ENPEP: variants seen among roughly 807,000 people sequenced by gnomAD.
ENPEP encodes AP-A.
In ENPEP, 103 loss-of-function variants were observed where a neutral mutation model predicts 114.5. That is an observed-to-expected ratio of 0.90 (90% confidence interval 0.77 to 1.06). The LOEUF (loss-of-function observed/expected upper bound fraction) is 1.06, where lower values mean the gene tolerates loss of function less well. ENPEP is among the 50% of genes least tolerant of loss of function. The probability of loss-of-function intolerance (pLI) is 0.00; values close to 1 mark genes in which losing one functional copy is unlikely to be tolerated. For missense variants in ENPEP, 1,196 were observed against 1,161.3 expected (o/e 1.03, Z -0.43); for synonymous variants, 420 against 422.0 (o/e 1.00, Z 0.06).
intron 11 of ENPEP, among the ~76,000 whole-genome samples, chr4:110,535,813 A>T (rs2110379606): frequency 6.6e-6 from 1 of 152,228 alleles, no homozygotes; most frequent in South Asian, 2.1e-4. Context: ...ATAGAGAAAC[A>T]CCGTCTCTAC....
chr4:110,500,984 G>A (rs1168299242), intron 3 of ENPEP, among the ~76,000 whole-genome samples: 1 of 152,062 alleles, frequency 6.6e-6, no homozygotes, highest in African/African-American at 2.4e-5. Context: ...GCACAAGGGA[G>A]GATGCTTTCA....
At chr4:110,515,904 G>A (rs1725748777) in intron 8 of ENPEP, 1 of 437,128 alleles carries the variant, frequency 2.3e-6, no homozygotes, top group South Asian at 1.7e-5. Context: ...GAGAGGGAGA[G>A]AGAGAGAGCA....
intron 13 of ENPEP, 47 bp downstream of exon 13, chr4:110,543,117 CT>C (rs2110387461): frequency 6.6e-7 from 1 of 1,521,928 alleles, no homozygotes; most frequent in East Asian, 2.3e-5. Context: ...TGTGGGTTTT[CT>C]CATAAATCTT....
intron 2 of ENPEP, among the ~76,000 whole-genome samples, chr4:110,489,350 A>T (rs1165081039): frequency 6.6e-6 from 1 of 152,148 alleles, no homozygotes; most frequent in East Asian, 1.9e-4. Context: ...GTAAGTGGAA[A>T]TTGAACAACA....
chr4:110,480,316 A>G (rs531700046), intron 1 of ENPEP, among the ~76,000 whole-genome samples: 3 of 152,304 alleles, frequency 2.0e-5, no homozygotes, highest in South Asian at 4.1e-4. Flanking sequence ...AGAAAAGTGC[A>G]TCATGCTTTT....
At chr4:110,551,092 T>TAAAA (rs569706672) in intron 17 of ENPEP, among the ~76,000 whole-genome samples, 1 of 132,326 alleles carries the variant, frequency 7.6e-6, no homozygotes, top group Non-Finnish European at 1.6e-5. Context: ...CGTATCTATT[T>TAAAA]AAAAAAAAAA....
intron 11 of ENPEP, among the ~76,000 whole-genome samples, chr4:110,538,332 C>T (rs1181091951): frequency 6.6e-6 from 1 of 152,204 alleles, no homozygotes; most frequent in Non-Finnish European, 1.5e-5. Context: ...TCAACACTTG[C>T]TGCTTCACCT....
In ENPEP at chr4:110,476,264, A is replaced by C; in HGVS notation, c.-151A>C. 1.1e-6 allele frequency: 1 copy of C among 898,212 alleles called. No homozygotes were observed. The allele number at this position is 898,212 out of a possible 1,614,324, so 55.6% of individuals were successfully genotyped here. A position where few individuals can be genotyped will look rare whatever the true frequency, so the allele number is the denominator to read the frequency against. The stretch of plus-strand genomic sequence containing the variant: ...TGGGAACGTGAAAAGGGAGAGGAAA[A>C]GGCGCAAGAAGCCAGAGAGAGGGGT... On this transcript the variant is annotated 5_prime_UTR_variant, in exon 1 of 20. Transcript: ENST00000265162.
intron 2 of ENPEP, among the ~76,000 whole-genome samples, chr4:110,490,145 C>A (rs888584178): frequency 3.9e-5 from 6 of 152,128 alleles, no homozygotes; most frequent in Non-Finnish European, 8.8e-5. Context: ...TGCAGAGTTA[C>A]ACTTTACCTT....
chr4:110,539,555 T>C (rs1560567201), intron 11 of ENPEP, among the ~76,000 whole-genome samples: 1 of 152,118 alleles, frequency 6.6e-6, no homozygotes, highest in Non-Finnish European at 1.5e-5. Context: ...CAGTTGTTTT[T>C]TTTGCTTTCT....
At chr4:110,543,674 C>T (rs1726939024) in intron 13 of ENPEP, among the ~76,000 whole-genome samples, 1 of 151,702 alleles carries the variant, frequency 6.6e-6, no homozygotes. Flanking sequence ...CATAGTCTAA[C>T]ACCAGTAATT....
chr4:110,513,841 ATTGTT>A (rs1725667437), intron 7 of ENPEP, among the ~76,000 whole-genome samples: 1 of 152,248 alleles, frequency 6.6e-6, no homozygotes, highest in East Asian at 1.9e-4. Flanking sequence ...CACATTTCAA[ATTGTT>A]TTATTTGATT....
chr4:110,479,413 C>T (rs1455125291), intron 1 of ENPEP, among the ~76,000 whole-genome samples: 1 of 152,044 alleles, frequency 6.6e-6, no homozygotes, highest in African/African-American at 2.4e-5. Context: ...TGGACATTTT[C>T]TAATATTTAA....
In ENPEP at chr4:110,477,137, C is replaced by T. The variant is rs764670201; in HGVS notation, c.644+79C>T. 40 of 1,502,382 alleles carry T rather than the reference C, an allele frequency of 2.7e-5. No individual in the cohort carries two copies. In the East Asian group the frequency reaches 8.0e-4, roughly 30 times the overall value. The allele number at this position is 1,502,382 out of a possible 1,614,324, so 93.1% of individuals were successfully genotyped here. A position where few individuals can be genotyped will look rare whatever the true frequency, so the allele number is the denominator to read the frequency against. On this transcript the variant is annotated intron_variant, in intron 1 of 19. Coordinates refer to ENST00000265162, the MANE Select transcript of ENPEP (RefSeq NM_001977.4). ...TTCTTTTCCTTTCCTTTTCACTTTC[C>T]GCTTTTAATTATTTTGTTGGTCTGA...
intron 13 of ENPEP, among the ~76,000 whole-genome samples, chr4:110,547,729 G>T (rs1727121227): frequency 6.6e-6 from 1 of 151,926 alleles, no homozygotes; most frequent in South Asian, 2.1e-4. Flanking sequence ...AAGCATTCAG[G>T]ATTAATAAGA....
At chr4:110,502,105 AC>A (rs1725185261) in intron 3 of ENPEP, among the ~76,000 whole-genome samples, 1 of 152,178 alleles carries the variant, frequency 6.6e-6, no homozygotes, top group Admixed American at 6.5e-5. Context: ...GTGTCTGTTC[AC>A]ATCCTTTGCC....
intron 10 of ENPEP, among the ~76,000 whole-genome samples, chr4:110,522,973 G>A (rs1226081636): frequency 1.3e-5 from 2 of 152,140 alleles, no homozygotes; most frequent in Non-Finnish European, 2.9e-5. Context: ...ATGGGACACA[G>A]GATCCAGGAA....
intron 1 of ENPEP, among the ~76,000 whole-genome samples, chr4:110,482,707 T>C (rs1249858151): frequency 6.6e-6 from 1 of 152,300 alleles, no homozygotes; most frequent in East Asian, 1.9e-4. Context: ...AATAAAAATG[T>C]CAATAAAGAA....
chr4:110,522,944 TA>T (rs1009462904), intron 10 of ENPEP, among the ~76,000 whole-genome samples: 4 of 149,710 alleles, frequency 2.7e-5, no homozygotes, highest in East Asian at 2.0e-4. Context: ...TATGAATAAA[TA>T]AAAAAAAAGT....
Sources: gnomAD v4.1 joint callset for allele counts (sites outside exome capture counted in the v4.1 genomes callset) on GRCh38, gnomAD v4.1.1 for gene constraint, MANE v1.5 for transcripts, NCBI Gene and HGNC (gene_info 2026-07-23, HGNC 2026-07-21) for gene names.